MTARC1: variants seen among roughly 807,000 people sequenced by gnomAD.
The protein encoded by MTARC1 is mitochondrial amidoxime-reducing component 1.
A neutral mutation model predicts 33.6 loss-of-function variants in MTARC1; 24 were observed. The observed-to-expected ratio is 0.72, with a 90% confidence interval of 0.52 to 1.01. The LOEUF (loss-of-function observed/expected upper bound fraction) is 1.01. Among genes scored for constraint, MTARC1 ranks in the 50% least tolerant of loss-of-function variants. The pLI is 0.00. For synonymous variants in MTARC1, 187 were observed against 189.5 expected (o/e 0.99, Z 0.11); for missense variants, 417 against 445.7 (o/e 0.94, Z 0.58).
rs557201263 is a variant in MTARC1 at position 220,819,242 on chromosome 1, T to G, written c.*5824T>G. ...TCATAGTTTATATTATAAAATGTAT[T>G]AATGACAGAAGAGTGTTTTCATGTC... On this transcript the variant is annotated 3_prime_UTR_variant, in exon 7 of 7. Transcript: ENST00000366910. 8.3e-4 allele frequency: 126 copies of G among 152,364 alleles called. 1 individual carries two copies. The highest frequency in any genetic ancestry group is 2.9e-3 in the African/African-American group (122 of 41,584). 9.4% of individuals were successfully genotyped at this position (152,364 alleles called of 1,614,324 possible).
In MTARC1 at chr1:220,814,282, C is replaced by A. The variant is rs926472796; in HGVS notation, c.*864C>A. 6.6e-6 allele frequency: 1 copy of A among 152,186 alleles called. No homozygotes were observed. Among genetic ancestry groups the A allele is most frequent in the Non-Finnish European group, 1.5e-5 (1 of 68,032 alleles). 9.4% of individuals were successfully genotyped at this position (152,186 alleles called of 1,614,324 possible). A position where few individuals can be genotyped will look rare whatever the true frequency, so the allele number is the denominator to read the frequency against. ...TTAACTGATTGTATAACTCTAAGAT[C>A]TGATGAAGTATATTTTTTATTGCCA... On this transcript the variant is annotated 3_prime_UTR_variant, in exon 7 of 7. Transcript: ENST00000366910.
rs1391942064 is a variant in MTARC1, at chr1:220,799,433, C to A, written c.753+1419C>A. On this transcript the variant is annotated intron_variant, in intron 4 of 6. Transcript: ENST00000366910. ...ATAATCAGTGTTTGGTTGCCTTTGACCATCTCCTTGATATTCATCTTCCAC... is the reference window on the plus strand; with the variant it reads ...ATAATCAGTGTTTGGTTGCCTTTGAACATCTCCTTGATATTCATCTTCCAC... Among the ~76,000 whole-genome samples the A allele has an allele frequency of 2.0e-5, 3 of 152,282 alleles. No individual in the cohort carries two copies. The East Asian group carries it at 5.8e-4, about 29-fold the overall frequency.
At chr1:220,797,727 A>T (rs1672666918) in intron 3 of MTARC1, 147 bp from the exon 4 acceptor site, 1 of 731,536 alleles carries the variant, frequency 1.4e-6, no homozygotes, top group Non-Finnish European at 2.2e-6. Context: ...AGTCACTGTG[A>T]CTTCTATTAA....
At chr1:220,803,321 C>T (rs534473004) in intron 4 of MTARC1, among the ~76,000 whole-genome samples, 14 of 152,170 alleles carry the variant, frequency 9.2e-5, no homozygotes, top group African/African-American at 2.9e-4. Context: ...CAATTACCTC[C>T]AACTGGGTCC....
At chr1:220,788,066 A>G (rs1029869016) in intron 1 of MTARC1, among the ~76,000 whole-genome samples, 5 of 152,200 alleles carry the variant, frequency 3.3e-5, no homozygotes, top group African/African-American at 9.7e-5. Flanking sequence ...ATTTTCCCCA[A>G]TTCTCTCCAA....
At chr1:220,803,365 A>G (rs1672873978) in intron 4 of MTARC1, among the ~76,000 whole-genome samples, 1 of 152,208 alleles carries the variant, frequency 6.6e-6, no homozygotes, top group South Asian at 2.1e-4. Context: ...GGGAGCTACA[A>G]TTCAAGATGA....
At position 220,797,805 on chromosome 1, in the gene MTARC1, A is replaced by C. The variant is rs1672668505; in HGVS notation, c.613-69A>C. On this transcript the variant is annotated intron_variant, in intron 3 of 6. Coordinates refer to ENST00000366910, the MANE Select transcript of MTARC1 (RefSeq NM_022746.4). The stretch of plus-strand genomic sequence containing the variant: ...GTGGAGCATGGAGGCTATGTCTAGG[A>C]ACTAGGCACACCTAACCACTGAAAA... 2.7e-6 allele frequency: 4 copies of C among 1,474,410 alleles called. No individual in the cohort carries two copies. The Middle Eastern group carries it at 7.0e-4, about 259-fold the overall frequency. The allele number at this position is 1,474,410 out of a possible 1,614,324, so 91.3% of individuals were successfully genotyped here.
At chr1:220,801,619 C>T (rs1049055078) in intron 4 of MTARC1, among the ~76,000 whole-genome samples, 1 of 152,100 alleles carries the variant, frequency 6.6e-6, no homozygotes, top group Non-Finnish European at 1.5e-5. Context: ...TGCTGGGGCT[C>T]AGGAGAGGAG....
chr1:220,789,589 A>G lies in MTARC1; in HGVS notation c.276-1902A>G, dbSNP rs1672360633. On this transcript the variant is annotated intron_variant, in intron 1 of 6. Coordinates refer to ENST00000366910, the MANE Select transcript of MTARC1 (RefSeq NM_022746.4). ...AGGAACTGGGACATAAATAGGATGA[A>G]TGTTCTTTGCAGCATTGAGTGTTGA... Among the ~76,000 whole-genome samples, 3 of 152,352 alleles carry G rather than the reference A, an allele frequency of 2.0e-5. 1 individual carries two copies. Among genetic ancestry groups the G allele is most frequent in the Non-Finnish European group, 4.4e-5 (3 of 68,026 alleles).
intron 4 of MTARC1, among the ~76,000 whole-genome samples, chr1:220,803,866 A>C (rs1672889385): frequency 6.6e-6 from 1 of 152,094 alleles, no homozygotes; most frequent in Non-Finnish European, 1.5e-5. Context: ...GGCTGTGCTA[A>C]TCCGCTGTGC....
intron 4 of MTARC1, among the ~76,000 whole-genome samples, chr1:220,803,641 G>A (rs1179713670): frequency 1.3e-5 from 2 of 152,144 alleles, no homozygotes; most frequent in East Asian, 1.9e-4. Context: ...ACCTCCAGGT[G>A]CTGTAGGAAG....
chr1:220,790,017 A>G (rs912982297), intron 1 of MTARC1, among the ~76,000 whole-genome samples: 1 of 152,226 alleles, frequency 6.6e-6, no homozygotes, highest in Non-Finnish European at 1.5e-5. Context: ...AATGTACTTT[A>G]CTGCCACTGA....
intron 6 of MTARC1, among the ~76,000 whole-genome samples, chr1:220,812,213 G>T (rs1165203936): frequency 6.6e-6 from 1 of 152,224 alleles, no homozygotes; most frequent in Admixed American, 6.5e-5. Flanking sequence ...CCAGCAGAGA[G>T]CTGCAGAGGC....
In MTARC1 at chr1:220,816,678, A is replaced by G. The variant is rs1673288098; in HGVS notation, c.*3260A>G. On this transcript the variant is annotated 3_prime_UTR_variant, in exon 7 of 7. Coordinates refer to ENST00000366910, the MANE Select transcript of MTARC1 (RefSeq NM_022746.4). ...GCCAGTGAGCCAAGGAATCCCAGTT[A>G]GCAGGAGGGGTGCACTCATGGGAAG... is the stretch of plus-strand genomic sequence containing the variant. The G allele has an allele frequency of 6.6e-6, 1 of 152,288 alleles. No homozygotes were observed. The highest frequency in any genetic ancestry group is 2.1e-4 in the South Asian group (1 of 4,830). The allele number at this position is 152,288 out of a possible 1,614,324, so 9.4% of individuals were successfully genotyped here.
chr1:220,795,767 T>G (rs1672593300), intron 2 of MTARC1, among the ~76,000 whole-genome samples: 1 of 152,172 alleles, frequency 6.6e-6, no homozygotes, highest in South Asian at 2.1e-4. Context: ...CCTACAGAGG[T>G]CTCTGGACCT....
chr1:220,800,563 C>CT (rs1158957616), intron 4 of MTARC1, among the ~76,000 whole-genome samples: 2 of 151,310 alleles, frequency 1.3e-5, no homozygotes, highest in African/African-American at 4.9e-5. Context: ...TCTGCACTCA[C>CT]TTTTCTGATC....
rs1043594737 is a variant in MTARC1 at position 220,817,274 on chromosome 1, G to A, written c.*3856G>A. 2 of 159,510 alleles carry A rather than the reference G, an allele frequency of 1.3e-5. No homozygotes were observed. The highest frequency in any genetic ancestry group is 2.7e-5 in the Non-Finnish European group (2 of 74,070). 9.9% of individuals were successfully genotyped at this position (159,510 alleles called of 1,614,324 possible). ...TTCCTTCTGGTGGGTTCTTGGTCTC[G>A]CTGACTTCAAGAATGAAGCCACAGA... On this transcript the variant is annotated 3_prime_UTR_variant, in exon 7 of 7. Coordinates refer to ENST00000366910, the MANE Select transcript of MTARC1 (RefSeq NM_022746.4).
chr1:220,799,025 A>G (rs1672706796), intron 4 of MTARC1: 1 of 985,282 alleles, frequency 1.0e-6, no homozygotes, highest in South Asian at 4.7e-5. Context: ...GACTTTGAGC[A>G]GCCCCGCTAA....
intron 6 of MTARC1, among the ~76,000 whole-genome samples, chr1:220,806,944 G>A (rs1056333013): frequency 6.6e-6 from 1 of 152,186 alleles, no homozygotes; most frequent in Admixed American, 6.5e-5. Flanking sequence ...CAAGCAGCTG[G>A]TCTCTACCTG....
Sources: gnomAD v4.1 joint callset for allele counts (sites outside exome capture counted in the v4.1 genomes callset) on GRCh38, gnomAD v4.1.1 for gene constraint, MANE v1.5 for transcripts, NCBI Gene and HGNC (gene_info 2026-07-23, HGNC 2026-07-21) for gene names.